Variants in RFX7 observed in about 807,000 individuals in gnomAD.
RFX7 encodes DNA-binding protein RFX7.
Under a neutral mutation model 111.8 loss-of-function variants are expected in RFX7, and 26 were observed. The observed-to-expected ratio is 0.23, with a 90% CI of 0.17 to 0.32. The LOEUF (loss-of-function observed/expected upper bound fraction) is 0.32, where lower values mean the gene tolerates loss of function less well. Among genes scored for constraint, RFX7 ranks in the 10% least tolerant of loss-of-function variants. The pLI is 1.00. For missense variants in RFX7, 1,573 were observed against 1,772.9 expected (o/e 0.89, Z 2.02); for synonymous variants, 624 against 624.4 (o/e 1.00, Z 0.01).
At chr15:56,235,689 T>C (rs2043615395) in intron 2 of RFX7, among the ~76,000 whole-genome samples, 1 of 152,180 alleles carries the variant, frequency 6.6e-6, no homozygotes, top group African/African-American at 2.4e-5. Flanking sequence ...GTGGCAATTA[T>C]AGGGCATGTG....
intron 5 of RFX7, among the ~76,000 whole-genome samples, chr15:56,140,297 G>A (rs1009916675): frequency 3.9e-5 from 6 of 152,344 alleles, no homozygotes; most frequent in Non-Finnish European, 7.3e-5. Context: ...CTCTGAGCCA[G>A]GTGCGGGATA....
chr15:56,124,031 TTG>T (rs1466926969), intron 5 of RFX7, among the ~76,000 whole-genome samples: 1 of 152,102 alleles, frequency 6.6e-6, no homozygotes, highest in South Asian at 2.1e-4. Flanking sequence ...TCTTACATTT[TTG>T]TGTGTGTGTA....
intron 2 of RFX7, chr15:56,192,596 C>A (rs1380942143): frequency 5.9e-6 from 1 of 168,108 alleles, no homozygotes; most frequent in Non-Finnish European, 1.3e-5. Context: ...ATTCATGCAG[C>A]CTGACTGCTT....
intron 2 of RFX7, among the ~76,000 whole-genome samples, chr15:56,204,490 G>T (rs1189814995): frequency 1.3e-5 from 2 of 152,154 alleles, no homozygotes; most frequent in Non-Finnish European, 2.9e-5. Flanking sequence ...CACAGGTAAG[G>T]CTACTCCTAC....
chr15:56,240,936 T>C (rs1258182466), intron 2 of RFX7, among the ~76,000 whole-genome samples: 1 of 152,108 alleles, frequency 6.6e-6, no homozygotes, highest in African/African-American at 2.4e-5. Flanking sequence ...TTTTACATAG[T>C]CACTTGATGA....
chr15:56,140,211 C>T (rs564010809), intron 5 of RFX7, among the ~76,000 whole-genome samples: 1 of 152,328 alleles, frequency 6.6e-6, no homozygotes, highest in East Asian at 1.9e-4. Flanking sequence ...GCCCCTCCCC[C>T]AGCCTCGCTG....
chr15:56,229,479 A>G (rs1213631458), intron 2 of RFX7, among the ~76,000 whole-genome samples: 1 of 152,066 alleles, frequency 6.6e-6, no homozygotes, highest in Non-Finnish European at 1.5e-5. Flanking sequence ...GTTAGCCAGG[A>G]TGATCTTGAT....
intron 5 of RFX7, among the ~76,000 whole-genome samples, chr15:56,107,500 A>G (rs1200210763): frequency 1.3e-5 from 2 of 152,140 alleles, no homozygotes; most frequent in Non-Finnish European, 2.9e-5. Flanking sequence ...AAAGGTAAAC[A>G]TTGTTTAATG....
chr15:56,095,555 G>A lies in RFX7; in HGVS notation c.2173C>T (p.His725Tyr). 6.2e-7 allele frequency: 1 copy of A among 1,613,910 alleles called. No individual in the cohort carries two copies. The highest frequency in any genetic ancestry group is 8.5e-7 in the Non-Finnish European group (1 of 1,179,862). ...TTCAAGGGTTGATTTGCTCCTATGT[G>A]TGAACTGACATTTACTGATACCTTG... Reference protein sequence around the residue: ...PSKVSVNVSSHIGANQPLNSS... With the variant: ...PSKVSVNVSSYIGANQPLNSS... Residue 725 changes from histidine (H) to tyrosine (Y), a missense_variant, in exon 10 of 10, where the codon CAC (histidine) becomes TAC (tyrosine). By Grantham distance (83) the His-to-Tyr change is moderately conservative. Coordinates refer to ENST00000559447, the MANE Select transcript of RFX7 (RefSeq NM_022841.7).
At chr15:56,116,041 A>T (rs1483223266) in intron 5 of RFX7, among the ~76,000 whole-genome samples, 3 of 152,220 alleles carry the variant, frequency 2.0e-5, no homozygotes, top group Non-Finnish European at 4.4e-5. Flanking sequence ...CATTGAAAGA[A>T]GGGGCCTTGA....
At chr15:56,244,118 A>T (rs1322732828), upstream of RFX7, 1 of 151,980 alleles carries the variant, frequency 6.6e-6, no homozygotes, top group Non-Finnish European at 1.5e-5. Flanking sequence ...CGTGAGGAGG[A>T]GGAGGAGAAA....
At chr15:56,189,160 A>G (rs907287753) in intron 2 of RFX7, among the ~76,000 whole-genome samples, 1 of 152,168 alleles carries the variant, frequency 6.6e-6, no homozygotes, top group Non-Finnish European at 1.5e-5. Flanking sequence ...GCCAAGGCGG[A>G]AAAATTGCTT....
Position 56,142,840 on chromosome 15 carries a change from C to T in RFX7, c.339G>A (p.Arg113=). Residue 113 remains arginine, a synonymous_variant, in exon 5 of 10, where the codon CGG becomes CGA. Transcript: ENST00000559447. ...TCTCCGGATGTTCCTCTAGGGTATT[C>T]CGAATCCAGGAAAAGGCATGCATTT... The part of the protein sequence containing the change: ...AQQMHAFSWI[R]NTLEEHPETS... 2 of 1,613,518 alleles carry T rather than the reference C, an allele frequency of 1.2e-6. No individual in the cohort carries two copies. The highest frequency in any genetic ancestry group is 1.1e-5 in the South Asian group (1 of 91,002).
chr15:56,185,214 T>C (rs1035485984), intron 2 of RFX7, among the ~76,000 whole-genome samples: 4 of 152,200 alleles, frequency 2.6e-5, no homozygotes, highest in Non-Finnish European at 5.9e-5. Context: ...TTGATGTCCA[T>C]GTATATGTAT....
chr15:56,104,145 C>G (rs2041797829), intron 5 of RFX7, among the ~76,000 whole-genome samples: 1 of 152,182 alleles, frequency 6.6e-6, no homozygotes, highest in African/African-American at 2.4e-5. Context: ...CACCAACACT[C>G]TCATTTTACT....
intron 2 of RFX7, among the ~76,000 whole-genome samples, chr15:56,239,644 G>A (rs570000612): frequency 3.3e-5 from 5 of 152,232 alleles, no homozygotes; most frequent in South Asian, 2.1e-4. Flanking sequence ...CACTAAAAAC[G>A]TTTGGGATTT....
rs191019917 is a variant in RFX7 at position 56,105,889 on chromosome 15, A to G, written c.402-2219T>C. Among the ~76,000 whole-genome samples the G allele has an allele frequency of 1.7e-3, 263 of 152,300 alleles. 1 individual carries two copies. The highest frequency in any genetic ancestry group is 6.2e-3 in the African/African-American group (257 of 41,554). The stretch of plus-strand genomic sequence containing the variant: ...AAATTAGGAGAGGGGGCAATTACAA[A>G]AATTGTTTGTTAAGAATTCTCATTG... On this transcript the variant is annotated intron_variant, in intron 5 of 9. Transcript: ENST00000559447.
At chr15:56,101,676 T>A in intron 7 of RFX7, 110 bp from the exon 8 acceptor site, 1 of 1,058,378 alleles carries the variant, frequency 9.4e-7, no homozygotes. Flanking sequence ...AATCTGTGGG[T>A]TAAAGTAGTA....
intron 2 of RFX7, among the ~76,000 whole-genome samples, chr15:56,225,281 A>G (rs1377607480): frequency 1.3e-5 from 2 of 152,172 alleles, no homozygotes; most frequent in Admixed American, 6.5e-5. Flanking sequence ...TAAACAAGTA[A>G]CAAACACTGT....
Sources: gnomAD v4.1 joint callset for allele counts (sites outside exome capture counted in the v4.1 genomes callset) on GRCh38, gnomAD v4.1.1 for gene constraint, MANE v1.5 for transcripts, NCBI Gene and HGNC (gene_info 2026-07-23, HGNC 2026-07-21) for gene names.